DPP6: variants seen among roughly 807,000 people sequenced by gnomAD.
The protein encoded by DPP6 is dipeptidyl peptidase like 6.
Under a neutral mutation model 122.6 loss-of-function variants are expected in DPP6, and 69 were observed. The ratio of observed to expected loss-of-function variants is 0.56; its 90% CI spans 0.46 to 0.69. The LOEUF (loss-of-function observed/expected upper bound fraction) is 0.69, where lower values mean the gene tolerates loss of function less well. DPP6 is among the 30% of genes least tolerant of loss of function. The probability of loss-of-function intolerance (pLI) is 0.00; values close to 1 mark genes in which losing one functional copy is unlikely to be tolerated. For synonymous variants in DPP6, 418 were observed against 433.1 expected (o/e 0.97, Z 0.43); for missense variants, 928 against 1,116.9 (o/e 0.83, Z 2.41).
the DPP6 span, among the ~76,000 whole-genome samples, chr7:153,783,602 A>C: frequency 6.6e-6 from 1 of 152,192 alleles, no homozygotes; most frequent in Non-Finnish European, 1.5e-5. Context: ...AATCTATATT[A>C]GATGTAAAGA....
intron 1 of DPP6, among the ~76,000 whole-genome samples, chr7:154,233,481 G>A (rs1315496607): frequency 1.3e-5 from 2 of 152,162 alleles, no homozygotes; most frequent in African/African-American, 4.8e-5. Flanking sequence ...TCTTTACCAA[G>A]GTAATCAAGT....
chr7:153,865,173 G>T, the DPP6 span, among the ~76,000 whole-genome samples: 1 of 152,098 alleles, frequency 6.6e-6, no homozygotes. Context: ...ATACAGGACC[G>T]AAAGAATAAA....
chr7:154,465,968 C>G (rs966592718), intron 2 of DPP6, among the ~76,000 whole-genome samples: 4 of 152,114 alleles, frequency 2.6e-5, no homozygotes, highest in Admixed American at 6.6e-5. Flanking sequence ...AAATGCCCAT[C>G]AATGTTAGAC....
chr7:154,559,941 G>GATATATATATAAAT, intron 4 of DPP6, among the ~76,000 whole-genome samples: 1 of 144,706 alleles, frequency 6.9e-6, no homozygotes, highest in Non-Finnish European at 1.5e-5. Context: ...TATATATAAA[G>GATATATATATAAAT]ATATAGATAT....
chr7:154,513,078 A>G (rs1491841), intron 3 of DPP6, among the ~76,000 whole-genome samples: 22,632 of 152,014 alleles, frequency 0.15, 1,861 homozygotes, highest in Non-Finnish European at 0.17. Context: ...CCCCAAATAC[A>G]CTAGTTCTTT....
chr7:153,906,731 C>T (rs1029779010), intron 1 of DPP6, among the ~76,000 whole-genome samples: 1 of 152,238 alleles, frequency 6.6e-6, no homozygotes, highest in Non-Finnish European at 1.5e-5. Flanking sequence ...GGATTACAGG[C>T]GTGAGCCATT....
chr7:154,169,960 G>T, intron 1 of DPP6, among the ~76,000 whole-genome samples: 3 of 152,218 alleles, frequency 2.0e-5, no homozygotes, highest in Admixed American at 2.0e-4. Flanking sequence ...GTGACCTCAG[G>T]TGATCCACCC....
intron 2 of DPP6, among the ~76,000 whole-genome samples, chr7:154,462,243 A>G (rs1821361314): frequency 6.6e-6 from 1 of 152,154 alleles, no homozygotes; most frequent in South Asian, 2.1e-4. Flanking sequence ...TGCCAGTACC[A>G]TGCTGTTTGG....
chr7:153,984,420 G>A (rs1796743408), intron 1 of DPP6, among the ~76,000 whole-genome samples: 1 of 152,108 alleles, frequency 6.6e-6, no homozygotes. Context: ...CAAAATGAAG[G>A]CATCAGGGGG....
the DPP6 span, among the ~76,000 whole-genome samples, chr7:153,791,083 C>A: frequency 1.3e-5 from 2 of 152,088 alleles, no homozygotes; most frequent in Non-Finnish European, 2.9e-5. Flanking sequence ...ATCTTTGTGC[C>A]AAGTTAATTT....
intron 2 of DPP6, 50 bp downstream of exon 2, chr7:154,446,378 A>G (rs745473953): frequency 4.4e-5 from 64 of 1,461,894 alleles, no homozygotes; most frequent in Non-Finnish European, 5.4e-5. Context: ...GAGAAAGAGC[A>G]TAATTTTACC....
At chr7:154,207,606 A>G (rs548547091) in intron 1 of DPP6, among the ~76,000 whole-genome samples, 2 of 152,352 alleles carry the variant, frequency 1.3e-5, no homozygotes, top group South Asian at 2.1e-4. Context: ...GTAATTTGCA[A>G]TGAATCAGTT....
intron 2 of DPP6, among the ~76,000 whole-genome samples, chr7:154,459,805 C>CAAAAAAAAAAAAAAAA (rs775605275): frequency 6.7e-4 from 42 of 62,850 alleles, no homozygotes; most frequent in East Asian, 1.3e-3. Context: ...GATTCCATCT[C>CAAAAAAAAAAAAAAAA]AAAAAAAAAA....
intron 4 of DPP6, among the ~76,000 whole-genome samples, chr7:154,543,993 C>CAAAAAAAA (rs35853479): frequency 2.9e-5 from 2 of 68,910 alleles, no homozygotes; most frequent in Non-Finnish European, 5.5e-5. Context: ...GACTCCATCT[C>CAAAAAAAA]AAAAAAAAAA....
intron 3 of DPP6, among the ~76,000 whole-genome samples, chr7:154,524,668 C>CTG (rs753306287): frequency 7.2e-5 from 11 of 152,150 alleles, no homozygotes; most frequent in Non-Finnish European, 1.2e-4. Flanking sequence ...AGCAAGTCCA[C>CTG]TGTGTAAGAG....
chr7:154,643,467 C>CTTTTTTTTTTTTTTTTTTTTTTTTTTT, intron 6 of DPP6, among the ~76,000 whole-genome samples: 1 of 117,554 alleles, frequency 8.5e-6, no homozygotes. Flanking sequence ...TGAGTAATTT[C>CTTTTTTTTTTTTTTTTTTTTTTTTTTT]TTTTTTTTTT....
At chr7:153,853,311 A>T in the DPP6 span, among the ~76,000 whole-genome samples, 79 of 152,272 alleles carry the variant, frequency 5.2e-4, no homozygotes, top group African/African-American at 1.8e-3. Flanking sequence ...TTCAGAAGCT[A>T]CTAGTAATGT....
At chr7:153,866,435 T>G in the DPP6 span, among the ~76,000 whole-genome samples, 1 of 152,190 alleles carries the variant, frequency 6.6e-6, no homozygotes, top group Non-Finnish European at 1.5e-5. Flanking sequence ...GTGTTTTTTG[T>G]CTGCATAAAT....
chr7:154,882,352 C>G (rs1205995438), intron 21 of DPP6, among the ~76,000 whole-genome samples: 3 of 152,200 alleles, frequency 2.0e-5, no homozygotes, highest in African/African-American at 7.2e-5. Context: ...GCCATTCTGC[C>G]CAGTGGATCC....
Sources: gnomAD v4.1 joint callset for allele counts (sites outside exome capture counted in the v4.1 genomes callset) on GRCh38, gnomAD v4.1.1 for gene constraint, MANE v1.5 for transcripts, NCBI Gene and HGNC (gene_info 2026-07-23, HGNC 2026-07-21) for gene names.